SPTY2D1: variants seen among roughly 807,000 people sequenced by gnomAD.
SPTY2D1 encodes the protein SPT2 chromatin protein domain containing 1.
In SPTY2D1, 21 loss-of-function variants were observed where a neutral mutation model predicts 64.0. That is an observed-to-expected ratio of 0.33 (90% CI 0.23 to 0.47). The LOEUF is 0.47. Among genes scored for constraint, SPTY2D1 ranks in the 20% least tolerant of loss-of-function variants. The pLI is 1.00. For synonymous variants in SPTY2D1, 287 were observed against 286.8 expected, an observed-to-expected ratio of 1.00 and a Z score of -0.01; for missense variants, 724 against 837.2, an observed-to-expected ratio of 0.86 and a Z score of 1.67.
chr11:18,622,094 A>AAAAAAAAAAC (rs1265381238), intron 1 of SPTY2D1, among the ~76,000 whole-genome samples: 5 of 147,320 alleles, frequency 3.4e-5, no homozygotes, highest in Non-Finnish European at 7.5e-5. Flanking sequence ...CTCAAAAAAA[A>AAAAAAAAAAC]AAAAAAAAAA....
chr11:18,609,879 C>G lies in SPTY2D1; in HGVS notation c.2040G>C (p.Lys680Asn). ...EEEEMQRRRAKKLKRR is the reference protein window; with the variant it reads ...EEEEMQRRRANKLKRR The stretch of plus-strand genomic sequence containing the variant: ...GCAGCAGCTAACGCCTCTTCAGCTT[C>G]TTGGCCCTTCGACGTTGCATTTCTT... The change falls in exon 6 of 6, where the codon AAG becomes AAC. Residue 680 changes from lysine (K) to asparagine (N), a missense_variant. By Grantham distance (94) the Lys-to-Asn change is moderately conservative (BLOSUM62 0). Transcript: ENST00000336349. 1 of 1,614,212 alleles carries G rather than the reference C, an allele frequency of 6.2e-7. No individual in the cohort carries two copies. Among genetic ancestry groups the G allele is most frequent in the African/African-American group, 1.3e-5 (1 of 75,064 alleles).
rs950027013 is a variant in SPTY2D1 at position 18,614,439 on chromosome 11, T to C, written c.1711+124A>G. 31 of 967,064 alleles carry C rather than the reference T, an allele frequency of 3.2e-5. No homozygotes were observed. In the Admixed American group the frequency reaches 7.3e-4, roughly 23 times the overall value. The allele number at this position is 967,064 out of a possible 1,614,324, so 59.9% of individuals were successfully genotyped here. On this transcript the variant is annotated intron_variant, in intron 3 of 5. Transcript: ENST00000336349. ...CAAGGCAGATAAAACATCACGATTC[T>C]ATCAACACTACAGCACATTAAAGGA...
intron 1 of SPTY2D1, among the ~76,000 whole-genome samples, chr11:18,631,326 C>T (rs762608724): frequency 5.3e-5 from 8 of 152,086 alleles, no homozygotes; most frequent in Non-Finnish European, 1.0e-4. Flanking sequence ...GTACTCACAG[C>T]AGTCTGGGAG....
chr11:18,609,252 G>A lies in SPTY2D1; in HGVS notation c.*609C>T, dbSNP rs977626923. On this transcript the variant is annotated 3_prime_UTR_variant, in exon 6 of 6. Coordinates refer to ENST00000336349, the MANE Select transcript of SPTY2D1 (RefSeq NM_194285.3). ...TTAATTCCTAGCCACCTAAATTAATGAGTAAGAATGCTCAGCATCCAATCC... is the reference window on the plus strand; with the variant it reads ...TTAATTCCTAGCCACCTAAATTAATAAGTAAGAATGCTCAGCATCCAATCC... The A allele has an allele frequency of 1.3e-5, 2 of 152,618 alleles. No individual in the cohort carries two copies. Among genetic ancestry groups the A allele is most frequent in the African/African-American group, 2.4e-5 (1 of 41,416 alleles). The allele number at this position is 152,618 out of a possible 1,614,324, so 9.5% of individuals were successfully genotyped here.
intron 5 of SPTY2D1, among the ~76,000 whole-genome samples, chr11:18,611,254 T>A (rs1182994561): frequency 1.3e-5 from 2 of 152,050 alleles, no homozygotes; most frequent in East Asian, 3.8e-4. Flanking sequence ...ACTAGCCTGG[T>A]CAACATAGCG....
At chr11:18,610,260 A>G (rs1438416239) in intron 5 of SPTY2D1, 1 of 257,918 alleles carries the variant, frequency 3.9e-6, no homozygotes, top group Admixed American at 4.9e-5. Flanking sequence ...TTCATTAACT[A>G]ACATTCTATT....
At position 18,631,606 on chromosome 11, in the gene SPTY2D1, A is replaced by C. The variant is rs866279197; in HGVS notation, c.60+2592T>G. ...TATTTCTTTTAAAATAGATAACAAA[A>C]AAAAAAAAAAAACCACCAAACACTT... On this transcript the variant is annotated intron_variant, in intron 1 of 5. Transcript: ENST00000336349. Among the ~76,000 whole-genome samples, 474 of 150,868 alleles carry C rather than the reference A, an allele frequency of 3.1e-3. 5 individuals carry two copies. The highest frequency in any genetic ancestry group is 0.011 in the African/African-American group (456 of 41,138).
At chr11:18,617,294 G>T (rs2134112023) in intron 1 of SPTY2D1, among the ~76,000 whole-genome samples, 1 of 152,232 alleles carries the variant, frequency 6.6e-6, no homozygotes, top group East Asian at 1.9e-4. Context: ...GTAACTAAAT[G>T]AAATCACCAC....
intron 1 of SPTY2D1, among the ~76,000 whole-genome samples, chr11:18,629,558 T>C (rs189970025): frequency 7.0e-4 from 106 of 152,292 alleles, no homozygotes; most frequent in Admixed American, 3.1e-3. Flanking sequence ...TAAGCTCTAG[T>C]ATTCTACCAA....
intron 5 of SPTY2D1, among the ~76,000 whole-genome samples, 164 bp downstream of exon 5, chr11:18,611,312 AC>A (rs1348400864): frequency 6.6e-6 from 1 of 152,214 alleles, no homozygotes; most frequent in Non-Finnish European, 1.5e-5. Flanking sequence ...CAGTGAAAAA[AC>A]AGAACTGTTA....
At chr11:18,616,736 C>G (rs756234240) in intron 2 of SPTY2D1, 139 bp downstream of exon 2, 2 of 200,168 alleles carry the variant, frequency 1.0e-5, no homozygotes, top group East Asian at 1.3e-4. Context: ...AACCTGGACA[C>G]ACACACACAC....
intron 5 of SPTY2D1, among the ~76,000 whole-genome samples, chr11:18,611,147 A>C (rs1247787369): frequency 6.6e-6 from 1 of 152,124 alleles, no homozygotes; most frequent in African/African-American, 2.4e-5. Context: ...AAAACAAACA[A>C]AAAAAACAGT....
Position 18,609,838 on chromosome 11 carries a change from T to G in SPTY2D1, c.*23A>C. 1.9e-6 allele frequency: 3 copies of G among 1,612,086 alleles called. No individual in the cohort carries two copies. Among genetic ancestry groups the G allele is most frequent in the Non-Finnish European group, 2.5e-6 (3 of 1,178,658 alleles). ...TCCTTGCAGCAGAGCAGCTCTAGAA[T>G]TTCACAAAAATAAAAGCAGCAGCTA... On this transcript the variant is annotated 3_prime_UTR_variant, in exon 6 of 6. Transcript: ENST00000336349.
intron 1 of SPTY2D1, among the ~76,000 whole-genome samples, chr11:18,617,880 TG>T (rs1265390899): frequency 6.6e-6 from 1 of 152,118 alleles, no homozygotes; most frequent in Non-Finnish European, 1.5e-5. Context: ...AGGCAGAGGT[TG>T]CAGTGAGCCG....
At chr11:18,616,761 A>T in intron 2 of SPTY2D1, 114 bp downstream of exon 2, 2 of 801,930 alleles carry the variant, frequency 2.5e-6, no homozygotes, top group South Asian at 1.8e-5. Context: ...ACACACACAC[A>T]CCCTCCCAAA....
chr11:18,614,569 C>T lies in SPTY2D1; in HGVS notation c.1705G>A (p.Ala569Thr). Residue 569 changes from alanine to threonine, a missense_variant, in exon 3 of 6, where the codon GCC (alanine) becomes ACC (threonine). Physicochemically the swap from Ala to Thr is moderately conservative, Grantham distance 58. Around this residue, in one of 3 missense-constraint regions of SPTY2D1, gnomAD observed 119 missense variants for 172.9 expected, o/e 0.69. Transcript: ENST00000336349. The part of the protein sequence containing the change: ...MKPPLSGYRA[A>T]QGPQRLPFPT... ...GGGTGAGGGGAAATTTTACCTTGGG[C>T]AGCTCTGTAGCCAGATAGGGGAGGC... 6.2e-7 allele frequency: 1 copy of T among 1,601,400 alleles called. No individual in the cohort carries two copies. The highest frequency in any genetic ancestry group is 8.5e-7 in the Non-Finnish European group (1 of 1,171,832).
In SPTY2D1 at chr11:18,622,354, AC is replaced by A. The variant is rs575464562; in HGVS notation, c.61-5366del. Among the ~76,000 whole-genome samples, 1,193 of 151,544 alleles carry A rather than the reference AC, an allele frequency of 7.9e-3. 11 individuals carry two copies. Among genetic ancestry groups the A allele is most frequent in the Non-Finnish European group, 0.012 (781 of 67,904 alleles). On this transcript the variant is annotated intron_variant, in intron 1 of 5. Coordinates refer to ENST00000336349, the MANE Select transcript of SPTY2D1 (RefSeq NM_194285.3). Reference sequence around the variant, plus strand: ...AAACTAGCCTGGGCAGCATAATGAGACCCCCATCTCTACAAAACATACAAAA... The same window carrying A: ...AAACTAGCCTGGGCAGCATAATGAGACCCCATCTCTACAAAACATACAAAA...
At chr11:18,616,130 C>A (rs1256097617) in intron 2 of SPTY2D1, 32 bp from the exon 3 acceptor site, 1 of 1,539,224 alleles carries the variant, frequency 6.5e-7, no homozygotes, top group Middle Eastern at 1.7e-4. Context: ...TATGTTATTA[C>A]TTCGAGATCT....
At chr11:18,610,541 T>TGTAG (rs576603099) in intron 5 of SPTY2D1, among the ~76,000 whole-genome samples, 29 of 151,908 alleles carry the variant, frequency 1.9e-4, no homozygotes, top group Non-Finnish European at 3.2e-4. Flanking sequence ...AGCGCACACC[T>TGTAG]GTAGTCCCAG....
Sources: gnomAD v4.1 joint callset for allele counts (sites outside exome capture counted in the v4.1 genomes callset) on GRCh38, gnomAD v4.1.1 for gene constraint, gnomAD v4.1.1 regional missense constraint, MANE v1.5 for transcripts, NCBI Gene and HGNC (gene_info 2026-07-23, HGNC 2026-07-21) for gene names.